KCNH1: variants seen among roughly 807,000 people sequenced by gnomAD.
The protein encoded by KCNH1 is potassium voltage-gated channel subfamily H member 1.
A neutral mutation model predicts 69.2 loss-of-function variants in KCNH1; 27 were observed. That is an observed-to-expected ratio of 0.39 (90% confidence interval 0.29 to 0.54). KCNH1 has a LOEUF of 0.54. Ranked by LOEUF, KCNH1 falls within the 20% of genes least tolerant of loss-of-function variation. KCNH1 has a pLI of 0.68. For missense variants in KCNH1, 798 were observed against 1,261.6 expected (o/e 0.63, Z 5.57); for synonymous variants, 456 against 487.7 (o/e 0.93, Z 0.86).
chr1:211,104,637 A>G (rs965102400), intron 2 of KCNH1, among the ~76,000 whole-genome samples: 1 of 152,148 alleles, frequency 6.6e-6, no homozygotes, highest in Admixed American at 6.6e-5. Context: ...GGAAAAAAAC[A>G]TCTTTCAATG....
chr1:210,710,644 G>C (rs960469167), intron 10 of KCNH1, among the ~76,000 whole-genome samples: 2 of 152,120 alleles, frequency 1.3e-5, no homozygotes, highest in Non-Finnish European at 2.9e-5. Flanking sequence ...CTATTTTACA[G>C]AATGAAGAGG....
rs779293740 is a variant in KCNH1, at chr1:210,683,846, G to T, written c.2405C>A (p.Ala802Glu). Residue 802 changes from alanine to glutamate, a missense_variant, in exon 11 of 11, where the codon GCA (alanine) becomes GAA (glutamate). Ala to Glu is a moderately radical substitution (Grantham distance 107, BLOSUM62 -1). Coordinates refer to ENST00000271751, the MANE Select transcript of KCNH1 (RefSeq NM_172362.3). This position sits in a 1 kb window ranked among gnomAD's most constrained non-coding sequence, Gnocchi z 5.7. ...ESPATPVSFQAASTSGVPDHA... is the reference protein window; with the variant it reads ...ESPATPVSFQEASTSGVPDHA... Reference sequence around the variant, plus strand: ...GTCTGGCACCCCGGAGGTGGAGGCTGCCTGGAAGGATACGGGCGTGGCAGG... The same window carrying T: ...GTCTGGCACCCCGGAGGTGGAGGCTTCCTGGAAGGATACGGGCGTGGCAGG... The T allele has an allele frequency of 1.2e-6, 2 of 1,614,062 alleles. No homozygotes were observed. The highest frequency in any genetic ancestry group is 2.2e-5 in the South Asian group (2 of 91,086).
intron 6 of KCNH1, among the ~76,000 whole-genome samples, chr1:210,991,968 G>A (rs1036048224): frequency 6.6e-6 from 1 of 152,076 alleles, no homozygotes; most frequent in Non-Finnish European, 1.5e-5. Context: ...AAATCCTCAG[G>A]AATAAATAGT....
chr1:210,865,990 G>T (rs543253456), intron 7 of KCNH1, among the ~76,000 whole-genome samples: 2 of 152,210 alleles, frequency 1.3e-5, no homozygotes, highest in Admixed American at 1.3e-4. Context: ...AAAAAAATGT[G>T]TATACACCAA....
chr1:211,105,041 C>T (rs371474903), intron 2 of KCNH1, among the ~76,000 whole-genome samples: 9 of 152,138 alleles, frequency 5.9e-5, no homozygotes, highest in Non-Finnish European at 8.8e-5. Context: ...TTGTGAATTC[C>T]GTATCACAGT....
chr1:210,733,991 C>A (rs1484521818), intron 10 of KCNH1, among the ~76,000 whole-genome samples: 2 of 146,496 alleles, frequency 1.4e-5, no homozygotes, highest in Admixed American at 1.4e-4. Flanking sequence ...ACACACACAG[C>A]CCTCAGAAGT....
At chr1:211,005,303 A>T (rs1006102644) in intron 6 of KCNH1, among the ~76,000 whole-genome samples, 4 of 152,150 alleles carry the variant, frequency 2.6e-5, no homozygotes, top group Non-Finnish European at 4.4e-5. Context: ...CCAAGCCCAG[A>T]TTGCCTCAGT....
At chr1:210,907,489 G>A (rs547992072) in intron 7 of KCNH1, among the ~76,000 whole-genome samples, 59 of 151,528 alleles carry the variant, frequency 3.9e-4, no homozygotes, top group Middle Eastern at 3.4e-3. Context: ...GTGTCTTCTG[G>A]CCCAAGCTCA....
rs548260523 is a variant in KCNH1, at chr1:210,939,163, C to G, written c.1033-19094G>C. Among the ~76,000 whole-genome samples, 7 of 152,180 alleles carry G rather than the reference C, an allele frequency of 4.6e-5. No homozygotes were observed. In the South Asian group the frequency reaches 1.2e-3, roughly 27 times the overall value. The stretch of plus-strand genomic sequence containing the variant: ...TACTTCCTGCACACCTAATACAAGC[C>G]ACACATAATTTTAAGCACTAATAAA... On this transcript the variant is annotated intron_variant, in intron 6 of 10. Coordinates refer to ENST00000271751, the MANE Select transcript of KCNH1 (RefSeq NM_172362.3).
At chr1:211,003,151 C>T (rs1302741917) in intron 6 of KCNH1, among the ~76,000 whole-genome samples, 1 of 152,098 alleles carries the variant, frequency 6.6e-6, no homozygotes, top group Admixed American at 6.6e-5. Flanking sequence ...AAATTATTTG[C>T]CCCTTTACAG....
At chr1:210,886,160 G>T (rs1230263385) in intron 7 of KCNH1, among the ~76,000 whole-genome samples, 1 of 152,160 alleles carries the variant, frequency 6.6e-6, no homozygotes. Flanking sequence ...GCTGGCATCT[G>T]GTAGGTGACC....
At chr1:210,844,068 T>G (rs1255713477) in intron 7 of KCNH1, among the ~76,000 whole-genome samples, 2 of 152,212 alleles carry the variant, frequency 1.3e-5, no homozygotes, top group East Asian at 3.8e-4. Flanking sequence ...CTGGTGCCCT[T>G]AGGGATTTCC....
At chr1:210,775,632 G>GAAAGGACAGCAAT in intron 9 of KCNH1, 88 bp from the exon 10 acceptor site, 1 of 946,788 alleles carries the variant, frequency 1.1e-6, no homozygotes, top group South Asian at 1.6e-5. Context: ...CAGAATTGCT[G>GAAAGGACAGCAAT]TCCTTTCAGC....
intron 7 of KCNH1, among the ~76,000 whole-genome samples, chr1:210,836,439 T>A (rs1385209372): frequency 6.6e-6 from 1 of 152,218 alleles, no homozygotes; most frequent in Non-Finnish European, 1.5e-5. Context: ...TGATGCACTT[T>A]GGCAGAGTCC....
intron 6 of KCNH1, among the ~76,000 whole-genome samples, chr1:210,935,069 G>C (rs1167309570): frequency 6.8e-6 from 1 of 147,858 alleles, no homozygotes; most frequent in Non-Finnish European, 1.5e-5. Context: ...CAATAGCTAA[G>C]ATATGGAATT....
At chr1:211,102,753 A>C (rs1287578476) in intron 3 of KCNH1, among the ~76,000 whole-genome samples, 1 of 152,218 alleles carries the variant, frequency 6.6e-6, no homozygotes, top group African/African-American at 2.4e-5. Context: ...ACCACCCCGG[A>C]GTTGTTCAAT....
intron 10 of KCNH1, among the ~76,000 whole-genome samples, chr1:210,743,411 G>A (rs1558450539): frequency 6.6e-6 from 1 of 152,190 alleles, no homozygotes; most frequent in Non-Finnish European, 1.5e-5. Flanking sequence ...CAGGTAGAAA[G>A]AGGTATTCCT....
intron 6 of KCNH1, among the ~76,000 whole-genome samples, chr1:211,011,824 A>G (rs2102408488): frequency 6.6e-6 from 1 of 152,342 alleles, no homozygotes; most frequent in East Asian, 1.9e-4. Flanking sequence ...TGCTTTAACA[A>G]GAGGCATGTC....
At chr1:210,947,513 T>C (rs1357040381) in intron 6 of KCNH1, among the ~76,000 whole-genome samples, 2 of 150,988 alleles carry the variant, frequency 1.3e-5, no homozygotes, top group Non-Finnish European at 2.9e-5. Context: ...GGGCGGAGCT[T>C]GCAGTGAGCA....
Sources: allele counts gnomAD v4.1 joint callset (sites outside exome capture counted in the v4.1 genomes callset), GRCh38; gene constraint gnomAD v4.1.1; non-coding constraint Gnocchi (gnomAD v3.1); transcripts MANE v1.5; gene names NCBI Gene and HGNC (gene_info 2026-07-23, HGNC 2026-07-21).